The following RORA variants were observed in gnomAD, a reference collection of about 807,000 sequenced individuals.
The protein encoded by RORA is nuclear receptor ROR-alpha.
In RORA, 7 loss-of-function variants were observed where a neutral mutation model predicts 69.5. The ratio of observed to expected loss-of-function variants is 0.10; its 90% CI spans 0.06 to 0.19. The LOEUF is 0.19. Ranked by LOEUF, RORA falls within the 10% of genes least tolerant of loss-of-function variation. The pLI, the probability that RORA is intolerant of heterozygous loss-of-function variation, is 1.00. For synonymous variants in RORA, 261 were observed against 240.8 expected (o/e 1.08, Z -0.78); for missense variants, 457 against 663.0 (o/e 0.69, Z 3.41).
At chr15:60,836,630 C>T (rs1412198409) in intron 1 of RORA, among the ~76,000 whole-genome samples, 4 of 152,186 alleles carry the variant, frequency 2.6e-5, no homozygotes, top group South Asian at 2.1e-4. Context: ...GGACTCCAGA[C>T]ATAGCATTGT....
At position 60,502,744 on chromosome 15, in the gene RORA, C is replaced by G. The variant is rs751914718; in HGVS notation, c.1183+16G>C. ...TAGCCCTGATTTGAAGAAAAGGCAC[C>G]TTGATATCCCCTTACCTAAGGATTT... On this transcript the variant is annotated intron_variant, in intron 8 of 10. Transcript: ENST00000335670. The G allele has an allele frequency of 6.6e-7, 1 of 1,507,288 alleles. No individual in the cohort carries two copies. Among genetic ancestry groups the G allele is most frequent in the South Asian group, 1.1e-5 (1 of 88,480 alleles). 93.4% of individuals were successfully genotyped at this position (1,507,288 alleles called of 1,614,324 possible).
At chr15:60,660,366 G>A (rs1411539799) in intron 2 of RORA, among the ~76,000 whole-genome samples, 2 of 152,148 alleles carry the variant, frequency 1.3e-5, no homozygotes, top group Admixed American at 1.3e-4. Flanking sequence ...CAACCTTAAT[G>A]GAATGCTTTA....
intron 1 of RORA, among the ~76,000 whole-genome samples, chr15:61,177,918 C>T (rs2079645811): frequency 6.6e-6 from 1 of 150,752 alleles, no homozygotes; most frequent in Non-Finnish European, 1.5e-5. Context: ...GCCGAGATTG[C>T]ACCACTGCAC....
chr15:60,980,074 G>A (rs1893997409), intron 1 of RORA, among the ~76,000 whole-genome samples: 1 of 152,124 alleles, frequency 6.6e-6, no homozygotes, highest in African/African-American at 2.4e-5. Context: ...TTTGTTGAAA[G>A]TTTTTATCAC....
intron 3 of RORA, among the ~76,000 whole-genome samples, chr15:60,521,355 C>G (rs2066161624): frequency 6.6e-6 from 1 of 151,626 alleles, no homozygotes; most frequent in African/African-American, 2.4e-5. Flanking sequence ...GATTCTCCTG[C>G]CTCAGCCTCC....
chr15:60,968,964 C>A (rs956379541), intron 1 of RORA, among the ~76,000 whole-genome samples: 1 of 152,178 alleles, frequency 6.6e-6, no homozygotes, highest in Non-Finnish European at 1.5e-5. Flanking sequence ...ACATTCATAA[C>A]CTTAACACTT....
chr15:60,944,438 G>C (rs532389444), intron 1 of RORA, among the ~76,000 whole-genome samples: 2 of 152,100 alleles, frequency 1.3e-5, no homozygotes, highest in South Asian at 2.1e-4. Flanking sequence ...AGCACGGAGC[G>C]AGATGCGGTG....
At chr15:60,619,932 T>C (rs993154066) in intron 2 of RORA, among the ~76,000 whole-genome samples, 1 of 152,246 alleles carries the variant, frequency 6.6e-6, no homozygotes, top group African/African-American at 2.4e-5. Flanking sequence ...TTCTCTCTGT[T>C]CATTTATTCA....
chr15:61,211,612 T>C (rs1567039476), intron 1 of RORA, among the ~76,000 whole-genome samples: 1 of 152,162 alleles, frequency 6.6e-6, no homozygotes, highest in Non-Finnish European at 1.5e-5. Flanking sequence ...ATTAGTGAAA[T>C]ATTGACAGGG....
chr15:61,147,137 C>G lies in RORA; in HGVS notation c.166+81916G>C, dbSNP rs2079357144. ...GATTTTGGCAGATGCCTCATGCATT[C>G]TGGCCATTTTCGGGCTTATTTTATT... On this transcript the variant is annotated intron_variant, in intron 1 of 10. Coordinates refer to ENST00000335670, the MANE Select transcript of RORA (RefSeq NM_134261.3). This position sits in a 1 kb window ranked among gnomAD's most constrained non-coding sequence, Gnocchi z 4.1. Among the ~76,000 whole-genome samples, 1 of 152,218 alleles carries G rather than the reference C, an allele frequency of 6.6e-6. No individual in the cohort carries two copies. The highest frequency in any genetic ancestry group is 1.5e-5 in the Non-Finnish European group (1 of 68,044).
chr15:60,658,052 G>A (rs1490409206), intron 2 of RORA, among the ~76,000 whole-genome samples: 5 of 152,040 alleles, frequency 3.3e-5, no homozygotes, highest in Middle Eastern at 3.2e-3. Context: ...GGGGAGTGGC[G>A]GGTGGAAGGA....
intron 2 of RORA, among the ~76,000 whole-genome samples, chr15:60,577,953 T>A (rs2068075410): frequency 6.6e-6 from 1 of 152,238 alleles, no homozygotes; most frequent in African/African-American, 2.4e-5. Flanking sequence ...CTCTTATGGT[T>A]GATGTATGTG....
At chr15:60,552,531 G>T (rs982076266) in intron 2 of RORA, among the ~76,000 whole-genome samples, 11 of 152,132 alleles carry the variant, frequency 7.2e-5, no homozygotes, top group Non-Finnish European at 4.4e-5. Context: ...CTGCCTCAGT[G>T]CCTGACACAT....
chr15:61,057,356 A>G (rs2067250628), intron 1 of RORA, among the ~76,000 whole-genome samples: 1 of 152,230 alleles, frequency 6.6e-6, no homozygotes, highest in Non-Finnish European at 1.5e-5. Context: ...ATGCAGAAAT[A>G]CACAAACATT....
At chr15:60,527,756 T>C (rs751632438) in intron 3 of RORA, among the ~76,000 whole-genome samples, 2 of 152,192 alleles carry the variant, frequency 1.3e-5, no homozygotes, top group Non-Finnish European at 2.9e-5. Flanking sequence ...CCTTAAAAAT[T>C]TGAGGATGGT....
chr15:60,667,548 G>A (rs1358984919), intron 2 of RORA, among the ~76,000 whole-genome samples: 1 of 152,152 alleles, frequency 6.6e-6, no homozygotes, highest in Admixed American at 6.5e-5. Flanking sequence ...TCTCCTAATT[G>A]CCTACATGTA....
chr15:60,605,314 A>G (rs1270964253), intron 2 of RORA, among the ~76,000 whole-genome samples: 1 of 152,098 alleles, frequency 6.6e-6, no homozygotes, highest in Non-Finnish European at 1.5e-5. Context: ...TTTTCTTTCA[A>G]ACACTCCTAG....
intron 1 of RORA, among the ~76,000 whole-genome samples, chr15:61,204,785 G>A (rs1286685931): frequency 6.6e-6 from 1 of 152,308 alleles, no homozygotes. Flanking sequence ...GCGCAAGAGA[G>A]AGCGAGCAAG....
chr15:60,621,449 A>G (rs548201484), intron 2 of RORA, among the ~76,000 whole-genome samples: 1 of 152,214 alleles, frequency 6.6e-6, no homozygotes, highest in Non-Finnish European at 1.5e-5. Flanking sequence ...CCTGGCAGAG[A>G]ATTATTTCTG....
Sources: allele counts gnomAD v4.1 joint callset (sites outside exome capture counted in the v4.1 genomes callset), GRCh38; gene constraint gnomAD v4.1.1; non-coding constraint Gnocchi (gnomAD v3.1); transcripts MANE v1.5; gene names NCBI Gene and HGNC (gene_info 2026-07-23, HGNC 2026-07-21).